Variants in RPTOR observed in about 807,000 individuals in gnomAD.
RPTOR encodes the protein regulatory-associated protein of mTOR.
In RPTOR, 21 loss-of-function variants were observed where a neutral mutation model predicts 169.9. That is an observed-to-expected ratio of 0.12 (90% confidence interval 0.09 to 0.18). The LOEUF (loss-of-function observed/expected upper bound fraction) is 0.18, where lower values mean the gene tolerates loss of function less well. RPTOR is among the 10% of genes least tolerant of loss of function. The probability of loss-of-function intolerance (pLI) is 1.00; values close to 1 mark genes in which losing one functional copy is unlikely to be tolerated. For synonymous variants in RPTOR, 732 were observed against 753.2 expected (o/e 0.97, Z 0.46); for missense variants, 1,133 against 1,855.9 (o/e 0.61, Z 7.16).
intron 1 of RPTOR, among the ~76,000 whole-genome samples, chr17:80,608,950 G>A (rs2065248206): frequency 6.6e-6 from 1 of 152,206 alleles, no homozygotes; most frequent in African/African-American, 2.4e-5. Context: ...CAATGTGAGA[G>A]TCGGGAATGA....
chr17:80,965,590 T>C lies in RPTOR; in HGVS notation c.*1260T>C, dbSNP rs1304395064. The C allele has an allele frequency of 1.3e-5, 3 of 233,256 alleles. No homozygotes were observed. The highest frequency in any genetic ancestry group is 6.6e-5 in the African/African-American group (3 of 45,368). 14.4% of individuals were successfully genotyped at this position (233,256 alleles called of 1,614,324 possible). On this transcript the variant is annotated 3_prime_UTR_variant, in exon 34 of 34. Transcript: ENST00000306801. Reference sequence around the variant, plus strand: ...TTGAGAGGTGAAGGAGCCAGGTGGCTTCATTCTGGCGGTGAGAGGCCCACG... The same window carrying C: ...TTGAGAGGTGAAGGAGCCAGGTGGCCTCATTCTGGCGGTGAGAGGCCCACG...
intron 7 of RPTOR, among the ~76,000 whole-genome samples, chr17:80,793,349 A>G (rs2067068973): frequency 6.6e-6 from 1 of 152,246 alleles, no homozygotes; most frequent in Non-Finnish European, 1.5e-5. Context: ...AATTTCTTAA[A>G]TAAACCATAT....
At chr17:80,859,840 A>G (rs1405771130) in intron 13 of RPTOR, among the ~76,000 whole-genome samples, 1 of 152,196 alleles carries the variant, frequency 6.6e-6, no homozygotes, top group Non-Finnish European at 1.5e-5. Context: ...AGTTAGCTTG[A>G]ATTTGCAGCC....
At chr17:80,851,495 T>C (rs2067792839) in intron 11 of RPTOR, among the ~76,000 whole-genome samples, 1 of 29,518 alleles carries the variant, frequency 3.4e-5, no homozygotes, top group South Asian at 1.1e-3. Context: ...TGATGTAATG[T>C]TTGAGAAAAA....
chr17:80,706,519 C>A (rs1284875370), intron 3 of RPTOR, among the ~76,000 whole-genome samples: 1 of 152,158 alleles, frequency 6.6e-6, no homozygotes, highest in Non-Finnish European at 1.5e-5. Context: ...AGCATTAGGA[C>A]TATGTAAACA....
chr17:80,647,670 G>A (rs78638495), intron 3 of RPTOR, among the ~76,000 whole-genome samples: 13,259 of 152,190 alleles, frequency 0.087, 681 homozygotes, highest in East Asian at 0.21. Flanking sequence ...ACAGCATGGC[G>A]GTGCCTCCAC....
intron 13 of RPTOR, among the ~76,000 whole-genome samples, chr17:80,862,892 G>A (rs2067936097): frequency 6.6e-6 from 1 of 152,188 alleles, no homozygotes; most frequent in African/African-American, 2.4e-5. Context: ...CTCCCCCAGT[G>A]TTCTCAGCAT....
intron 10 of RPTOR, among the ~76,000 whole-genome samples, chr17:80,840,742 G>A (rs148289902): frequency 0.012 from 1,297 of 108,028 alleles, 51 homozygotes; most frequent in African/African-American, 0.049. Context: ...TCACCGCACG[G>A]CAGCTCACTC....
At chr17:80,706,610 C>T (rs527454238) in intron 3 of RPTOR, among the ~76,000 whole-genome samples, 17 of 152,332 alleles carry the variant, frequency 1.1e-4, no homozygotes, top group Admixed American at 3.3e-4. Flanking sequence ...TGCTGGTCTC[C>T]GTGCCCCCAG....
chr17:80,950,368 C>A (rs1156948897), intron 28 of RPTOR, among the ~76,000 whole-genome samples: 2 of 152,158 alleles, frequency 1.3e-5, no homozygotes, highest in Non-Finnish European at 2.9e-5. Flanking sequence ...TGGGGCCTGC[C>A]CTGGTTCTGC....
chr17:80,923,613 C>T lies in RPTOR; in HGVS notation c.2748C>T (p.Tyr916=), dbSNP rs1328377083. 7.4e-6 allele frequency: 12 copies of T among 1,612,832 alleles called. No individual in the cohort carries two copies. The highest frequency in any genetic ancestry group is 1.3e-5 in the African/African-American group (1 of 74,952). ...PGTTGPAGAQ[Y]TPHSHQFPRT... ...CCACAGGCCCCGCTGGGGCGCAGTA[C>T]ACCCCTCACTCCCACCAGTTCCCCC... Residue 916 remains tyrosine, a synonymous_variant, in exon 23 of 34, where the codon TAC becomes TAT. Transcript: ENST00000306801.
At chr17:80,779,272 G>T (rs911112790) in intron 6 of RPTOR, among the ~76,000 whole-genome samples, 7 of 152,176 alleles carry the variant, frequency 4.6e-5, no homozygotes, top group African/African-American at 1.7e-4. Context: ...TGAGGTAAAT[G>T]AAAATACATC....
Position 80,545,349 on chromosome 17 carries a change from C to T in RPTOR, c.-281C>T. 3.1e-6 allele frequency: 1 copy of T among 321,570 alleles called. No homozygotes were observed. The highest frequency in any genetic ancestry group is 5.7e-6 in the Non-Finnish European group (1 of 174,696). 19.9% of individuals were successfully genotyped at this position (321,570 alleles called of 1,614,324 possible). The stretch of plus-strand genomic sequence containing the variant: ...CAGCCCCTCTGGAAACGTACAGCCT[C>T]AGGAGCAGCCAGTGGCTTGGGACCT... On this transcript the variant is annotated 5_prime_UTR_variant, in exon 1 of 34. Transcript: ENST00000306801.
intron 13 of RPTOR, among the ~76,000 whole-genome samples, chr17:80,863,657 G>C (rs1410184288): frequency 6.6e-6 from 1 of 152,254 alleles, no homozygotes; most frequent in African/African-American, 2.4e-5. Flanking sequence ...GCTCACGTCT[G>C]TAATCTCAGC....
At chr17:80,744,899 TGTC>T (rs1567889521) in intron 5 of RPTOR, among the ~76,000 whole-genome samples, 11 of 68,034 alleles carry the variant, frequency 1.6e-4, no homozygotes, top group South Asian at 4.4e-4. Flanking sequence ...CTACTAGCAC[TGTC>T]CTGGCTACTA....
At chr17:80,824,486 G>GA (rs2067417028) in intron 9 of RPTOR, among the ~76,000 whole-genome samples, 1 of 152,140 alleles carries the variant, frequency 6.6e-6, no homozygotes, top group South Asian at 2.1e-4. Context: ...GAGCATTTTT[G>GA]AAAGAGTATA....
intron 4 of RPTOR, among the ~76,000 whole-genome samples, chr17:80,710,092 T>C (rs1375663329): frequency 6.6e-6 from 1 of 151,216 alleles, no homozygotes; most frequent in Non-Finnish European, 1.5e-5. Context: ...TCCTCCCACC[T>C]CAGCCTCCCA....
chr17:80,742,637 A>G (rs930349236), intron 5 of RPTOR, among the ~76,000 whole-genome samples: 7 of 151,830 alleles, frequency 4.6e-5, no homozygotes, highest in Non-Finnish European at 8.8e-5. Flanking sequence ...ACATATACAT[A>G]CATGTCCACA....
chr17:80,836,858 G>T (rs1225731848), intron 9 of RPTOR, among the ~76,000 whole-genome samples: 3 of 152,226 alleles, frequency 2.0e-5, no homozygotes, highest in African/African-American at 7.2e-5. Flanking sequence ...TGGCCTGGAG[G>T]TGTGAGGTCC....
Sources: allele counts gnomAD v4.1 joint callset (sites outside exome capture counted in the v4.1 genomes callset), GRCh38; gene constraint gnomAD v4.1.1; transcripts MANE v1.5; gene names NCBI Gene and HGNC (gene_info 2026-07-23, HGNC 2026-07-21).